Variants in DMD observed in about 807,000 individuals in gnomAD.
DMD encodes the protein dystrophin.
A neutral mutation model predicts 330.1 loss-of-function variants in DMD; 63 were observed. The observed-to-expected ratio is 0.19, with a 90% CI of 0.16 to 0.24. The LOEUF is 0.24. Among genes scored for constraint, DMD ranks in the 10% least tolerant of loss-of-function variants. DMD has a pLI of 1.00. For synonymous variants in DMD, 1,223 were observed against 959.8 expected, an observed-to-expected ratio of 1.27 and a Z score of -5.07; for missense variants, 3,344 against 2,684.1, an observed-to-expected ratio of 1.25 and a Z score of -5.43.
At chrX:31,269,974 C>T (rs1353626374) in intron 62 of DMD, among the ~76,000 whole-genome samples, 1 of 111,381 alleles carries the variant, frequency 9.0e-6, no homozygotes, top group Non-Finnish European at 1.9e-5. Flanking sequence ...TGATGAAAGG[C>T]CTACAGAAGG....
At chrX:31,546,023 G>C (rs1312078199) in intron 55 of DMD, among the ~76,000 whole-genome samples, 1 of 111,896 alleles carries the variant, frequency 8.9e-6, no homozygotes, top group African/African-American at 3.2e-5. Flanking sequence ...AGTAATGGCT[G>C]TGTATAATAT....
intron 11 of DMD, among the ~76,000 whole-genome samples, chrX:32,619,266 C>T (rs2057812711): frequency 9.0e-6 from 1 of 111,126 alleles, no homozygotes; most frequent in African/African-American, 3.3e-5. Flanking sequence ...GAGCTGATCC[C>T]ACAGAAGTAG....
At chrX:33,303,711 ATTC>A (rs2053705229) in intron 1 of DMD, among the ~76,000 whole-genome samples, 1 of 111,080 alleles carries the variant, frequency 9.0e-6, no homozygotes, top group African/African-American at 3.3e-5. Flanking sequence ...CTTGGCTCTC[ATTC>A]TTCTCCTTGC....
chrX:31,608,499 T>C (rs1481998406), intron 55 of DMD, among the ~76,000 whole-genome samples: 1 of 112,080 alleles, frequency 8.9e-6, no homozygotes, highest in East Asian at 2.8e-4. Context: ...ATTTTTATCA[T>C]ACAGATGGCT....
chrX:32,852,021 G>A (rs1474157819), intron 2 of DMD, among the ~76,000 whole-genome samples: 1 of 111,395 alleles, frequency 9.0e-6, no homozygotes, highest in African/African-American at 3.3e-5. Context: ...TGTCGTGCTG[G>A]ACTCGAAGTC....
chrX:31,496,761 A>G (rs1451640427), intron 57 of DMD, 27 bp downstream of exon 57: 3 of 1,209,406 alleles, frequency 2.5e-6, no homozygotes, highest in Non-Finnish European at 3.4e-6. Flanking sequence ...TAACATGTGC[A>G]AGGCACGAGG....
chrX:31,521,385 AC>A (rs1012143921), intron 55 of DMD, among the ~76,000 whole-genome samples: 1 of 110,546 alleles, frequency 9.0e-6, no homozygotes, highest in African/African-American at 3.3e-5. Context: ...CTGGTGTCGA[AC>A]TCCTAACCTT....
chrX:32,807,975 T>C (rs545904694), intron 7 of DMD, among the ~76,000 whole-genome samples: 3 of 112,285 alleles, frequency 2.7e-5, no homozygotes, highest in African/African-American at 9.7e-5. Flanking sequence ...CAGCCTTATC[T>C]TTCAAATTCA....
intron 30 of DMD, among the ~76,000 whole-genome samples, chrX:32,394,913 A>ACAAAAACAAAC (rs1400464815): frequency 1.9e-5 from 1 of 53,552 alleles, no homozygotes; most frequent in African/African-American, 8.8e-5. Flanking sequence ...AAAAACAAAA[A>ACAAAAACAAAC]AACAAAAAAA....
intron 16 of DMD, among the ~76,000 whole-genome samples, chrX:32,565,383 G>C: frequency 9.0e-6 from 1 of 111,486 alleles, no homozygotes; most frequent in Non-Finnish European, 1.9e-5. Flanking sequence ...CGTGGTTCTA[G>C]CAATCTCTGA....
intron 44 of DMD, among the ~76,000 whole-genome samples, chrX:32,190,021 T>TC (rs1050764167): frequency 4.5e-5 from 5 of 110,525 alleles, no homozygotes; most frequent in African/African-American, 1.6e-4. Flanking sequence ...CATAAAGACC[T>TC]CCCCCTAGAC....
At chrX:31,969,444 C>T (rs1208756834) in intron 44 of DMD, among the ~76,000 whole-genome samples, 13 of 111,104 alleles carry the variant, frequency 1.2e-4, no homozygotes, top group Admixed American at 9.6e-4. Context: ...AGGTACCTAC[C>T]GTATTTAAAT....
chrX:32,128,935 A>G (rs1053287437), intron 44 of DMD, among the ~76,000 whole-genome samples: 3 of 111,681 alleles, frequency 2.7e-5, no homozygotes, highest in Non-Finnish European at 3.8e-5. Context: ...TCTGAAAGAA[A>G]GAGCACAACA....
Position 32,448,507 on chromosome X carries a change from G to C in DMD, c.3735C>G (p.Thr1245=). 8.3e-7 allele frequency: 1 copy of C among 1,208,538 alleles called. No homozygotes were observed. Among genetic ancestry groups the C allele is most frequent in the Non-Finnish European group, 1.1e-6 (1 of 893,275 alleles). ...GCCTAGTGCAGAGCCACTGGTAGTT[G>C]GTGGTTAGAGTTTCAAGTTCCTTTT... ...ALKKELETLT[T]NYQWLCTRLN... Residue 1245 remains threonine, a synonymous_variant, in exon 27 of 79, where the codon ACC becomes ACG. Coordinates refer to ENST00000357033, the MANE Select transcript of DMD (RefSeq NM_004006.3).
intron 17 of DMD, among the ~76,000 whole-genome samples, chrX:32,521,193 C>T (rs1025110782): frequency 3.6e-5 from 4 of 111,903 alleles, no homozygotes; most frequent in African/African-American, 6.5e-5. Context: ...TATTTTGAGA[C>T]GGAGTCTCAC....
chrX:32,788,473 G>A (rs1034632074), intron 7 of DMD, among the ~76,000 whole-genome samples: 1 of 111,983 alleles, frequency 8.9e-6, no homozygotes, highest in African/African-American at 3.2e-5. Context: ...ATGATACAAA[G>A]ATTCTATGAC....
chrX:32,405,746 G>T (rs187826724), intron 30 of DMD, among the ~76,000 whole-genome samples: 88 of 111,328 alleles, frequency 7.9e-4, no homozygotes, highest in Non-Finnish European at 1.5e-3. Flanking sequence ...CTCCTTTATG[G>T]TTCCATATGA....
At chrX:32,688,600 C>A (rs1183130449) in intron 9 of DMD, among the ~76,000 whole-genome samples, 1 of 111,628 alleles carries the variant, frequency 9.0e-6, no homozygotes, top group Non-Finnish European at 1.9e-5. Flanking sequence ...CTCACATACA[C>A]TATGCATTAA....
chrX:32,366,599 A>C (rs780665040), intron 34 of DMD, among the ~76,000 whole-genome samples: 31 of 111,862 alleles, frequency 2.8e-4, no homozygotes, highest in Admixed American at 1.8e-3. Flanking sequence ...ATTACAGTAC[A>C]AGAGTAAGAA....
Sources: gnomAD v4.1 joint callset for allele counts (sites outside exome capture counted in the v4.1 genomes callset) on GRCh38, gnomAD v4.1.1 for gene constraint, MANE v1.5 for transcripts, NCBI Gene and HGNC (gene_info 2026-07-23, HGNC 2026-07-21) for gene names.